TNKS: variants seen among roughly 807,000 people sequenced by gnomAD.
TNKS encodes the protein poly [ADP-ribose] polymerase tankyrase-1.
In TNKS, 72 loss-of-function variants were observed where a neutral mutation model predicts 135.8. That is an observed-to-expected ratio of 0.53 (90% CI 0.44 to 0.64). The LOEUF is 0.64. Among genes scored for constraint, TNKS ranks in the 30% least tolerant of loss-of-function variants. TNKS has a pLI of 0.00. For synonymous variants in TNKS, 849 were observed against 649.3 expected (o/e 1.31, Z -4.68); for missense variants, 1,769 against 1,674.0 (o/e 1.06, Z -0.99).
rs567234363 is a variant in TNKS, at chr8:9,602,166, A to G, written c.899-13416A>G. The stretch of plus-strand genomic sequence containing the variant: ...AGCTCCCCGCCGTTAAGTGCATTCA[A>G]CAGACAAGCCGTGGCAAAAGCCCGA... On this transcript the variant is annotated intron_variant, in intron 2 of 26. Transcript: ENST00000310430. Among the ~76,000 whole-genome samples, 29 of 152,322 alleles carry G rather than the reference A, an allele frequency of 1.9e-4. No homozygotes were observed. The East Asian group carries it at 5.6e-3, about 29-fold the overall frequency.
At chr8:9,703,853 C>A (rs1422125576) in intron 5 of TNKS, among the ~76,000 whole-genome samples, 1 of 152,066 alleles carries the variant, frequency 6.6e-6, no homozygotes, top group Non-Finnish European at 1.5e-5. Flanking sequence ...GCTATGGTTG[C>A]AGAGAAGTTT....
chr8:9,750,561 GC>G (rs1316933673), intron 18 of TNKS, among the ~76,000 whole-genome samples: 1 of 151,914 alleles, frequency 6.6e-6, no homozygotes, highest in Non-Finnish European at 1.5e-5. Flanking sequence ...CCTTTCTCTC[GC>G]CTTCAGTAGC....
chr8:9,628,022 C>T (rs1049918259), intron 3 of TNKS, among the ~76,000 whole-genome samples: 1 of 152,164 alleles, frequency 6.6e-6, no homozygotes, highest in African/African-American at 2.4e-5. Flanking sequence ...CTAAGGCCAC[C>T]TCTCGTCTAC....
chr8:9,636,506 A>G (rs976710623), intron 3 of TNKS, among the ~76,000 whole-genome samples: 1 of 152,080 alleles, frequency 6.6e-6, no homozygotes, highest in Non-Finnish European at 1.5e-5. Flanking sequence ...TATTGTTTCA[A>G]AATTAAATGT....
chr8:9,733,420 T>A lies in TNKS; in HGVS notation c.2289T>A (p.Tyr763Ter). ...ATGAAGCAGCAGCTAAAGGAAAGTA[T>A]GAAATCTGCAAGCTCCTTTTAAAAG... ...PLHEAAAKGK[Y>*]EICKLLLKHG... is the part of the protein sequence containing the mutation. The change falls in exon 15 of 27, where the codon TAT (tyrosine) becomes TAA (stop). Residue 763 changes from tyrosine to a stop codon, truncating the protein, a stop_gained. Coordinates refer to ENST00000310430, the MANE Select transcript of TNKS (RefSeq NM_003747.3). LOFTEE classifies it high-confidence loss of function. 6.2e-7 allele frequency: 1 copy of A among 1,613,550 alleles called. No homozygotes were observed. The highest frequency in any genetic ancestry group is 8.5e-7 in the Non-Finnish European group (1 of 1,179,712).
chr8:9,587,186 T>A lies in TNKS; in HGVS notation c.898+6803T>A, dbSNP rs543456909. Among the ~76,000 whole-genome samples the A allele has an allele frequency of 2.0e-5, 3 of 152,106 alleles. No homozygotes were observed. The East Asian group carries it at 5.8e-4, about 30-fold the overall frequency. ...GATTGTCTTGGTGGACCCAAAGTAA[T>A]CACCAGATTCCTTAGAAGTAGAAGA... is the stretch of plus-strand genomic sequence containing the variant. On this transcript the variant is annotated intron_variant, in intron 2 of 26. Coordinates refer to ENST00000310430, the MANE Select transcript of TNKS (RefSeq NM_003747.3).
rs1444034744 is a variant in TNKS at position 9,733,185 on chromosome 8, C to G, written c.2148-94C>G. On this transcript the variant is annotated intron_variant, in intron 14 of 26. Transcript: ENST00000310430. The stretch of plus-strand genomic sequence containing the variant: ...CTTTTTGCGCAGTGTTCAGTATAGT[C>G]AGTACCATAGAAGAATGGTAGGATT... The G allele has an allele frequency of 3.3e-6, 4 of 1,197,316 alleles. No individual in the cohort carries two copies. In the East Asian group the frequency reaches 7.3e-5, roughly 22 times the overall value. 74.2% of individuals were successfully genotyped at this position (1,197,316 alleles called of 1,614,324 possible).
At chr8:9,751,909 T>C (rs1806561488) in intron 19 of TNKS, 63 bp downstream of exon 19, 1 of 1,469,586 alleles carries the variant, frequency 6.8e-7, no homozygotes, top group Middle Eastern at 1.8e-4. Context: ...GAATGACTTT[T>C]TTCTATTGAT....
intron 3 of TNKS, among the ~76,000 whole-genome samples, chr8:9,651,818 C>G (rs1024195343): frequency 7.9e-5 from 12 of 152,092 alleles, no homozygotes; most frequent in Admixed American, 2.0e-4. Context: ...ATTGGTAGTT[C>G]CTCAATATTT....
rs551035523 is a variant in TNKS, at chr8:9,706,926, C to T, written c.1385C>T (p.Thr462Ile). The T allele has an allele frequency of 4.3e-6, 7 of 1,613,998 alleles. No individual in the cohort carries two copies. Among genetic ancestry groups the T allele is most frequent in the Admixed American group, 1.7e-5 (1 of 59,984 alleles). ...SLLLSHGADP[T>I]LVNCHGKSAV... ...TTACTTAGCCATGGCGCTGATCCTACATTAGTCAACTGCCATGGCAAAAGT... is the reference window on the plus strand; with the variant it reads ...TTACTTAGCCATGGCGCTGATCCTATATTAGTCAACTGCCATGGCAAAAGT... The change falls in exon 8 of 27, where the codon ACA (threonine) becomes ATA (isoleucine). Residue 462 changes from threonine to isoleucine, a missense_variant. Thr to Ile is a moderately conservative substitution (Grantham distance 89). Coordinates refer to ENST00000310430, the MANE Select transcript of TNKS (RefSeq NM_003747.3).
chr8:9,684,794 A>C (rs1802918965), intron 5 of TNKS, among the ~76,000 whole-genome samples: 1 of 152,086 alleles, frequency 6.6e-6, no homozygotes, highest in Admixed American at 6.6e-5. Flanking sequence ...GTGTCATGGG[A>C]GATAACTATA....
At chr8:9,574,409 G>C (rs540616007) in intron 1 of TNKS, among the ~76,000 whole-genome samples, 1 of 152,212 alleles carries the variant, frequency 6.6e-6, no homozygotes, top group East Asian at 1.9e-4. Flanking sequence ...TGACCCAGCT[G>C]TACTTTCACT....
At chr8:9,741,432 T>C (rs970756906) in intron 17 of TNKS, among the ~76,000 whole-genome samples, 2 of 152,202 alleles carry the variant, frequency 1.3e-5, no homozygotes, top group African/African-American at 4.8e-5. Flanking sequence ...AAGGAAGTTC[T>C]ACTCCATTAG....
At chr8:9,585,474 T>G (rs1398257003) in intron 2 of TNKS, among the ~76,000 whole-genome samples, 1 of 152,102 alleles carries the variant, frequency 6.6e-6, no homozygotes. Context: ...TGAGAAAAGA[T>G]AAACTGAGTA....
intron 3 of TNKS, among the ~76,000 whole-genome samples, chr8:9,672,032 C>T (rs1206980444): frequency 2.0e-5 from 3 of 152,194 alleles, no homozygotes. Context: ...CACTTCGTAG[C>T]CATCTCAGTG....
At chr8:9,768,471 G>T (rs1807599395) in intron 25 of TNKS, among the ~76,000 whole-genome samples, 1 of 152,182 alleles carries the variant, frequency 6.6e-6, no homozygotes, top group Non-Finnish European at 1.5e-5. Flanking sequence ...TGCCACCAGG[G>T]CTAATTGGTA....
chr8:9,592,840 A>G (rs1466282458), intron 2 of TNKS, among the ~76,000 whole-genome samples: 2 of 152,166 alleles, frequency 1.3e-5, no homozygotes, highest in African/African-American at 2.4e-5. Flanking sequence ...CCTTTATTTT[A>G]AAGCAATGTG....
At chr8:9,703,417 G>A (rs1236058476) in intron 5 of TNKS, among the ~76,000 whole-genome samples, 6 of 152,308 alleles carry the variant, frequency 3.9e-5, no homozygotes, top group Admixed American at 6.5e-5. Flanking sequence ...GCGAGGATGA[G>A]TGATTTTATC....
At chr8:9,675,820 G>A (rs1341605357) in intron 3 of TNKS, among the ~76,000 whole-genome samples, 1 of 152,044 alleles carries the variant, frequency 6.6e-6, no homozygotes, top group Non-Finnish European at 1.5e-5. Context: ...TGAAACCTAA[G>A]ACAATCTGTT....
Sources: allele counts gnomAD v4.1 joint callset (sites outside exome capture counted in the v4.1 genomes callset), GRCh38; gene constraint gnomAD v4.1.1; transcripts MANE v1.5; gene names NCBI Gene and HGNC (gene_info 2026-07-23, HGNC 2026-07-21).